ZNF764: variants seen among roughly 807,000 people sequenced by gnomAD.
ZNF764 encodes the protein zinc finger protein 764.
Under a neutral mutation model 13.9 loss-of-function variants are expected in ZNF764, and 10 were observed. The observed-to-expected ratio is 0.72, with a 90% CI of 0.44 to 1.22. ZNF764 has a LOEUF of 1.22. ZNF764 is among the 50% of genes most tolerant of loss of function. ZNF764 has a pLI of 0.00. For synonymous variants in ZNF764, 313 were observed against 255.1 expected (o/e 1.23, Z -2.16); for missense variants, 647 against 589.7 (o/e 1.10, Z -1.01).
Position 30,555,087 on chromosome 16 carries a change from G to C in ZNF764, c.*107C>G. Reference sequence around the variant, plus strand: ...TCAGACTGTCCGCACCCCAGGGCCAGCTCTTGCCCTAGATTCTGGGACCTC... The same window carrying C: ...TCAGACTGTCCGCACCCCAGGGCCACCTCTTGCCCTAGATTCTGGGACCTC... On this transcript the variant is annotated 3_prime_UTR_variant, in exon 3 of 3. Transcript: ENST00000395091. 7.3e-7 allele frequency: 1 copy of C among 1,362,804 alleles called. No homozygotes were observed. Among genetic ancestry groups the C allele is most frequent in the Non-Finnish European group, 9.9e-7 (1 of 1,005,576 alleles). 84.4% of individuals were successfully genotyped at this position (1,362,804 alleles called of 1,614,324 possible).
In ZNF764 at chr16:30,557,994, G is replaced by T. The variant is rs759253897; in HGVS notation, c.189C>A (p.Ser63Arg). 8 of 1,602,222 alleles carry T rather than the reference G, an allele frequency of 5.0e-6. No individual in the cohort carries two copies. The highest frequency in any genetic ancestry group is 1.3e-5 in the African/African-American group (1 of 74,762). The change falls in exon 1 of 3, where the codon AGC becomes AGA. Residue 63 changes from serine to arginine, a missense_variant. Transcript: ENST00000395091. ...DVMRETYGHL[S>R]ALGIGGNKPA... is the part of the protein sequence containing the mutation. ...AGCAGGTGGGGCTCTCACCGAGAGCGCTCAGGTGGCCGTAGGTCTCCCGCA... is the reference window on the plus strand; with the variant it reads ...AGCAGGTGGGGCTCTCACCGAGAGCTCTCAGGTGGCCGTAGGTCTCCCGCA...
Position 30,555,118 on chromosome 16 carries a change from AG to A in ZNF764, c.*75del. On this transcript the variant is annotated 3_prime_UTR_variant, in exon 3 of 3. Coordinates refer to ENST00000395091, the MANE Select transcript of ZNF764 (RefSeq NM_001172679.2). The stretch of plus-strand genomic sequence containing the variant: ...GCCCTAGATTCTGGGACCTCCCTGC[AG>A]GCCGCCGCAGAGGTTCGGGCCCCTG... 6.7e-7 allele frequency: 1 copy of A among 1,496,666 alleles called. No individual in the cohort carries two copies. The highest frequency in any genetic ancestry group is 1.3e-5 in the South Asian group (1 of 74,860). The allele number at this position is 1,496,666 out of a possible 1,614,324, so 92.7% of individuals were successfully genotyped here. A position where few individuals can be genotyped will look rare whatever the true frequency, so the allele number is the denominator to read the frequency against.
At position 30,555,494 on chromosome 16, in the gene ZNF764, G is replaced by A. The variant is rs1417912513; in HGVS notation, c.924C>T (p.His308=). 6.5e-7 allele frequency: 1 copy of A among 1,546,474 alleles called. No homozygotes were observed. Residue 308 remains histidine, a synonymous_variant, in exon 3 of 3, where the codon CAC becomes CAT. Transcript: ENST00000395091. ...PSDLRRHVRT[H]TGEKPYPCPD... is the part of the protein sequence containing the mutation. ...GGCACGGGTAGGGCTTCTCGCCGGT[G>A]TGGGTGCGCACGTGGCGCCGCAGGT...
rs769438177 is a variant in ZNF764 at position 30,558,029 on chromosome 16, G to A, written c.154C>T (p.Arg52Trp). 3.7e-6 allele frequency: 6 copies of A among 1,611,198 alleles called. No homozygotes were observed. Among genetic ancestry groups the A allele is most frequent in the African/African-American group, 2.7e-5 (2 of 74,818 alleles). Residue 52 changes from arginine (R) to tryptophan (W), a missense_variant, in exon 1 of 3, where the codon CGG (arginine) becomes TGG (tryptophan). Arg to Trp is a moderately radical substitution (Grantham distance 101, BLOSUM62 -3). Coordinates refer to ENST00000395091, the MANE Select transcript of ZNF764 (RefSeq NM_001172679.2). ...CLRPAQRALY[R>W]DVMRETYGHL... ...CCGTAGGTCTCCCGCATCACGTCCC[G>A]GTACAGGGCCCTCTGCGCTGGCCGC...
rs759478755 is a variant in ZNF764, at chr16:30,555,823, C to T, written c.595G>A (p.Glu199Lys). The change falls in exon 3 of 3, where the codon GAG (glutamate) becomes AAG (lysine). Residue 199 changes from glutamate (E) to lysine (K), a missense_variant. Coordinates refer to ENST00000395091, the MANE Select transcript of ZNF764 (RefSeq NM_001172679.2). ...CAGTCAGTGCAGTGGAAGGGCTTCT[C>T]GCCAGTGTGACTGTAGACGTGCTCC... ...LVEHVYSHTG[E>K]KPFHCTDCGK... is the part of the protein sequence containing the mutation. 117 of 1,611,666 alleles carry T rather than the reference C, an allele frequency of 7.3e-5. No individual in the cohort carries two copies. The highest frequency in any genetic ancestry group is 9.2e-5 in the Non-Finnish European group (109 of 1,179,900).
chr16:30,558,066 C>A lies in ZNF764; in HGVS notation c.117G>T (p.Glu39Asp), dbSNP rs1330255986. Residue 39 changes from glutamate (E) to aspartate (D), a missense_variant, in exon 1 of 3, where the codon GAG becomes GAT. Glu to Asp is a conservative substitution (Grantham distance 45). Coordinates refer to ENST00000395091, the MANE Select transcript of ZNF764 (RefSeq NM_001172679.2). ...TCTGCGCTGGCCGCAAGCAGCCCCA[C>A]TCCTCCCGGCAGAAGTACACGGCCA... ...ADVAVYFCRE[E>D]WGCLRPAQRA... 2 of 1,612,246 alleles carry A rather than the reference C, an allele frequency of 1.2e-6. No individual in the cohort carries two copies. The highest frequency in any genetic ancestry group is 1.7e-5 in the Admixed American group (1 of 59,884).
In ZNF764 at chr16:30,557,718, C is replaced by T. The variant is rs756035190; in HGVS notation, c.310+15G>A. The T allele has an allele frequency of 1.9e-6, 3 of 1,612,968 alleles. No individual in the cohort carries two copies. ...ACAGAGAAGTCCCCATGGGACTGAG[C>T]ACCCGATACTCCACCTGGGTCCGTT... On this transcript the variant is annotated intron_variant, in intron 2 of 2. Transcript: ENST00000395091.
rs199626772 is a variant in ZNF764, at chr16:30,556,063, C to T, written c.355G>A (p.Ala119Thr). The change falls in exon 3 of 3, where the codon GCC becomes ACC. Residue 119 changes from alanine to threonine, a missense_variant. Transcript: ENST00000395091. Reference sequence around the variant, plus strand: ...GCCACAGGGTCGGGCTTCTCCAGGGCTCCCGTCCCTTCCCTTTGTCTTTCC... The same window carrying T: ...GCCACAGGGTCGGGCTTCTCCAGGGTTCCCGTCCCTTCCCTTTGTCTTTCC... ...KKERQREGTG[A>T]LEKPDPVAAG... The T allele has an allele frequency of 5.6e-6, 9 of 1,612,536 alleles. No homozygotes were observed. The East Asian group carries it at 1.8e-4, about 32-fold the overall frequency.
In ZNF764 at chr16:30,554,812, A is replaced by G. The variant is rs1395620426; in HGVS notation, c.*382T>C. ...AAATAAATAAATAAATAAAAAGACA[A>G]TGAGTATTGTGTTCTGGGAGGGTCA... On this transcript the variant is annotated 3_prime_UTR_variant, in exon 3 of 3. Coordinates refer to ENST00000395091, the MANE Select transcript of ZNF764 (RefSeq NM_001172679.2). The G allele has an allele frequency of 5.3e-6, 1 of 187,734 alleles. No individual in the cohort carries two copies. Among genetic ancestry groups the G allele is most frequent in the Non-Finnish European group, 1.1e-5 (1 of 92,484 alleles). The allele number at this position is 187,734 out of a possible 1,614,324, so 11.6% of individuals were successfully genotyped here. A position where few individuals can be genotyped will look rare whatever the true frequency, so the allele number is the denominator to read the frequency against.
Position 30,557,811 on chromosome 16 carries a change from C to T in ZNF764, c.232G>A (p.Val78Met). The change falls in exon 2 of 3, where the codon GTG (valine) becomes ATG (methionine). Residue 78 changes from valine (V) to methionine (M), a missense_variant. By Grantham distance (21) the Val-to-Met change is conservative. Coordinates refer to ENST00000395091, the MANE Select transcript of ZNF764 (RefSeq NM_001172679.2). Reference protein sequence around the residue: ...GGNKPALISWVEEEAELWGPA... With the variant: ...GGNKPALISWMEEEAELWGPA... ...CCCCACAGTTCGGCCTCCTCCTCCACCCAGGAGATGAGAGCTGGCTTGTTG... is the reference window on the plus strand; with the variant it reads ...CCCCACAGTTCGGCCTCCTCCTCCATCCAGGAGATGAGAGCTGGCTTGTTG... The T allele has an allele frequency of 6.2e-7, 1 of 1,612,074 alleles. No individual in the cohort carries two copies.
Position 30,555,539 on chromosome 16 carries a change from G to T in ZNF764, c.879C>A (p.Arg293=), listed in dbSNP as rs530685858. ...GCAGGTCCGAGGGGTAGGCGAAGGCGCGGCCACAGTCCGGGCAGGGGAAGG... is the reference window on the plus strand; with the variant it reads ...GCAGGTCCGAGGGGTAGGCGAAGGCTCGGCCACAGTCCGGGCAGGGGAAGG... The part of the protein sequence containing the change: ...ETPFPCPDCG[R]AFAYPSDLRR... Residue 293 remains arginine (R), a synonymous_variant, in exon 3 of 3, where the codon CGC becomes CGA. Transcript: ENST00000395091. 44 of 1,531,462 alleles carry T rather than the reference G, an allele frequency of 2.9e-5. No homozygotes were observed. The South Asian group carries it at 4.7e-4, about 16-fold the overall frequency. The allele number at this position is 1,531,462 out of a possible 1,614,324, so 94.9% of individuals were successfully genotyped here.
Position 30,555,498 on chromosome 16 carries a change from G to T in ZNF764, c.920C>A (p.Thr307Asn). ...YPSDLRRHVR[T>N]HTGEKPYPCP... ...CGGGTAGGGCTTCTCGCCGGTGTGGGTGCGCACGTGGCGCCGCAGGTCCGA... is the reference window on the plus strand; with the variant it reads ...CGGGTAGGGCTTCTCGCCGGTGTGGTTGCGCACGTGGCGCCGCAGGTCCGA... Residue 307 changes from threonine (T) to asparagine (N), a missense_variant, in exon 3 of 3, where the codon ACC becomes AAC. Transcript: ENST00000395091. 1 of 1,541,304 alleles carries T rather than the reference G, an allele frequency of 6.5e-7. No individual in the cohort carries two copies. The highest frequency in any genetic ancestry group is 8.7e-7 in the Non-Finnish European group (1 of 1,149,088).
Position 30,557,751 on chromosome 16 carries a change from G to A in ZNF764, c.292C>T (p.Gln98Ter), listed in dbSNP as rs201143577. 1.6e-5 allele frequency: 26 copies of A among 1,613,644 alleles called. 1 individual carries two copies. In the East Asian group the frequency reaches 5.4e-4, roughly 33 times the overall value. ...AAQDPEVAKCQTQTDPDSRNK... is the reference protein window; with the variant it reads ...AAQDPEVAKC ...ACTCCACCTGGGTCCGTTTGTGTCT[G>A]ACATTTCGCCACCTCCGGATCCTGG... Residue 98 changes from glutamine (Q) to a stop codon, truncating the protein, a stop_gained, in exon 2 of 3, where the codon CAG (glutamine) becomes TAG (stop). Transcript: ENST00000395091. LOFTEE classifies it low-confidence loss of function (END_TRUNC).
intron 2 of ZNF764, among the ~76,000 whole-genome samples, chr16:30,556,414 G>A (rs1174514887): frequency 6.6e-6 from 1 of 152,084 alleles, no homozygotes; most frequent in Admixed American, 6.5e-5. Context: ...ACCAAGAAAG[G>A]CAGAACCAGG....
chr16:30,558,344 T>G lies in ZNF764; in HGVS notation c.-162A>C. On this transcript the variant is annotated 5_prime_UTR_variant, in exon 1 of 3. Coordinates refer to ENST00000395091, the MANE Select transcript of ZNF764 (RefSeq NM_001172679.2). ...CACTAGAGGGCGTGGAAACTAACGG[T>G]GCCGATGGCAGCGGGTGTATAATCA... 1 of 751,292 alleles carries G rather than the reference T, an allele frequency of 1.3e-6. No homozygotes were observed. Among genetic ancestry groups the G allele is most frequent in the Non-Finnish European group, 2.1e-6 (1 of 476,850 alleles). 46.5% of individuals were successfully genotyped at this position (751,292 alleles called of 1,614,324 possible).
rs1485056008 is a variant in ZNF764, at chr16:30,555,536, G to C, written c.882C>G (p.Ala294=). Residue 294 remains alanine (A), a synonymous_variant, in exon 3 of 3, where the codon GCC becomes GCG. Coordinates refer to ENST00000395091, the MANE Select transcript of ZNF764 (RefSeq NM_001172679.2). ...TPFPCPDCGR[A]FAYPSDLRRH... Reference sequence around the variant, plus strand: ...GCCGCAGGTCCGAGGGGTAGGCGAAGGCGCGGCCACAGTCCGGGCAGGGGA... The same window carrying C: ...GCCGCAGGTCCGAGGGGTAGGCGAACGCGCGGCCACAGTCCGGGCAGGGGA... The C allele has an allele frequency of 6.5e-7, 1 of 1,532,228 alleles. No homozygotes were observed. Among genetic ancestry groups the C allele is most frequent in the East Asian group, 2.3e-5 (1 of 43,718 alleles). 94.9% of individuals were successfully genotyped at this position (1,532,228 alleles called of 1,614,324 possible). A position where few individuals can be genotyped will look rare whatever the true frequency, so the allele number is the denominator to read the frequency against.
In ZNF764 at chr16:30,555,309, C is replaced by T; in HGVS notation, c.1109G>A (p.Gly370Asp). 1 of 1,610,198 alleles carries T rather than the reference C, an allele frequency of 6.2e-7. No homozygotes were observed. The highest frequency in any genetic ancestry group is 8.5e-7 in the Non-Finnish European group (1 of 1,178,416). The change falls in exon 3 of 3, where the codon GGC becomes GAC. Residue 370 changes from glycine to aspartate, a missense_variant. Gly to Asp is a moderately conservative substitution (Grantham distance 94). Transcript: ENST00000395091. ...HQWVHRPGAGGHRGRVAGRLS... is the reference protein window; with the variant it reads ...HQWVHRPGAGDHRGRVAGRLS... The stretch of plus-strand genomic sequence containing the variant: ...ACGCCCGGCGACCCGGCCCCTGTGG[C>T]CCCCGGCCCCGGGCCGATGAACCCA...
In ZNF764 at chr16:30,557,973, G is replaced by T; in HGVS notation, c.196+14C>A. 1 of 1,592,286 alleles carries T rather than the reference G, an allele frequency of 6.3e-7. No individual in the cohort carries two copies. The highest frequency in any genetic ancestry group is 8.5e-7 in the Non-Finnish European group (1 of 1,170,248). ...TGGGGGCGCAGGGCTCAGGCGAGCA[G>T]GTGGGGCTCTCACCGAGAGCGCTCA... is the stretch of plus-strand genomic sequence containing the variant. On this transcript the variant is annotated intron_variant, in intron 1 of 2. Coordinates refer to ENST00000395091, the MANE Select transcript of ZNF764 (RefSeq NM_001172679.2).
chr16:30,554,578 T>C lies in ZNF764; in HGVS notation c.*616A>G, dbSNP rs1173954531. ...GACAGGATCACTTCAGCCAAGGAGT[T>C]TGAGACCAGCCTGGACAACAGTGAG... On this transcript the variant is annotated 3_prime_UTR_variant, in exon 3 of 3. Transcript: ENST00000395091. 6.6e-6 allele frequency: 1 copy of C among 152,174 alleles called. No individual in the cohort carries two copies. The highest frequency in any genetic ancestry group is 2.4e-5 in the African/African-American group (1 of 41,436). The allele number at this position is 152,174 out of a possible 1,614,324, so 9.4% of individuals were successfully genotyped here.
Sources: allele counts gnomAD v4.1 joint callset (sites outside exome capture counted in the v4.1 genomes callset), GRCh38; gene constraint gnomAD v4.1.1; transcripts MANE v1.5; gene names NCBI Gene and HGNC (gene_info 2026-07-23, HGNC 2026-07-21).